The following ECT2L variants were observed in gnomAD, a reference collection of about 807,000 sequenced individuals.
ECT2L encodes the protein epithelial cell-transforming sequence 2 oncogene-like.
ECT2L carries 126 observed loss-of-function variants against 122.8 expected under a neutral mutation model. The ratio of observed to expected loss-of-function variants is 1.03; its 90% CI spans 0.89 to 1.19. ECT2L has a LOEUF of 1.19. Ranked by LOEUF, ECT2L falls within the 50% of genes most tolerant of loss-of-function variation. The pLI, the probability that ECT2L is intolerant of heterozygous loss-of-function variation, is 0.00. For synonymous variants in ECT2L, 385 were observed against 381.8 expected, an observed-to-expected ratio of 1.01 and a Z score of -0.10; for missense variants, 1,012 against 1,064.1, an observed-to-expected ratio of 0.95 and a Z score of 0.68.
intron 1 of ECT2L, among the ~76,000 whole-genome samples, chr6:138,797,654 A>C (rs1448611234): frequency 3.3e-5 from 5 of 151,958 alleles, no homozygotes; most frequent in Non-Finnish European, 7.4e-5. Context: ...GAAAAAAAAA[A>C]CAAAAAACTT....
chr6:138,828,591 A>G (rs1408239937), intron 4 of ECT2L, among the ~76,000 whole-genome samples: 3 of 152,104 alleles, frequency 2.0e-5, no homozygotes, highest in African/African-American at 7.2e-5. Flanking sequence ...CCGTGGGTCC[A>G]CTGTTTCATT....
chr6:138,902,530 C>T lies in ECT2L; in HGVS notation c.2618C>T (p.Pro873Leu). 1 of 1,613,352 alleles carries T rather than the reference C, an allele frequency of 6.2e-7. No individual in the cohort carries two copies. Among genetic ancestry groups the T allele is most frequent in the Non-Finnish European group, 8.5e-7 (1 of 1,179,598 alleles). ...AAGAATGCATTTATTCTTCAGGGTCCAAAATATAAATGGATTTGTGCTACA... is the reference window on the plus strand; with the variant it reads ...AAGAATGCATTTATTCTTCAGGGTCTAAAATATAAATGGATTTGTGCTACA... ...YVKNAFILQG[P>L]KYKWICATEI... is the part of the protein sequence containing the mutation. Residue 873 changes from proline to leucine, a missense_variant, in exon 22 of 22, where the codon CCA (proline) becomes CTA (leucine). Pro to Leu is a moderately conservative substitution (Grantham distance 98). Coordinates refer to ENST00000541398, the MANE Select transcript of ECT2L (RefSeq NM_001077706.3).
chr6:138,847,354 A>ATTT (rs1562471985), intron 8 of ECT2L, among the ~76,000 whole-genome samples: 20 of 111,014 alleles, frequency 1.8e-4, no homozygotes, highest in African/African-American at 7.6e-4. Flanking sequence ...AAAGGCCCAA[A>ATTT]CTTTTTTTTT....
At chr6:138,845,892 G>A (rs977418707) in intron 7 of ECT2L, among the ~76,000 whole-genome samples, 1 of 151,968 alleles carries the variant, frequency 6.6e-6, no homozygotes, top group Non-Finnish European at 1.5e-5. Context: ...GCAACACAGC[G>A]AGACCCCATC....
At chr6:138,887,180 T>C (rs965470730) in intron 19 of ECT2L, among the ~76,000 whole-genome samples, 8 of 151,988 alleles carry the variant, frequency 5.3e-5, no homozygotes, top group Non-Finnish European at 1.0e-4. Context: ...GTGATCACAA[T>C]GCCCTGTGAG....
At chr6:138,864,364 A>G (rs891140627) in intron 11 of ECT2L, among the ~76,000 whole-genome samples, 3 of 152,192 alleles carry the variant, frequency 2.0e-5, no homozygotes, top group Non-Finnish European at 2.9e-5. Flanking sequence ...CATGTCTATC[A>G]GTAACAGTAG....
At chr6:138,810,062 A>T (rs1354173931) in intron 1 of ECT2L, among the ~76,000 whole-genome samples, 2 of 152,234 alleles carry the variant, frequency 1.3e-5, no homozygotes, top group African/African-American at 4.8e-5. Flanking sequence ...AGAGGTAGAA[A>T]ATGAATGTTA....
chr6:138,859,825 C>CTTT (rs34225355), intron 10 of ECT2L, among the ~76,000 whole-genome samples: 1 of 136,842 alleles, frequency 7.3e-6, no homozygotes, highest in Admixed American at 7.3e-5. Flanking sequence ...TTTTTTTCTT[C>CTTT]TTTTTTTTGA....
intron 1 of ECT2L, among the ~76,000 whole-genome samples, chr6:138,809,603 T>C (rs1282606351): frequency 6.6e-6 from 1 of 152,238 alleles, no homozygotes; most frequent in Admixed American, 6.5e-5. Flanking sequence ...ATATATGATC[T>C]TTTTTATATA....
intron 8 of ECT2L, 61 bp from the exon 9 acceptor site, chr6:138,849,208 C>A: frequency 7.1e-7 from 1 of 1,399,162 alleles, no homozygotes. Context: ...CTATTTCTTT[C>A]ATTAATAAAT....
chr6:138,817,877 G>C (rs931925409), intron 4 of ECT2L, among the ~76,000 whole-genome samples: 1 of 152,022 alleles, frequency 6.6e-6, no homozygotes, highest in African/African-American at 2.4e-5. Flanking sequence ...TTATGGCCCC[G>C]TGTCGTCCAC....
intron 10 of ECT2L, among the ~76,000 whole-genome samples, chr6:138,860,707 A>ATTTTTTTTT (rs35611410): frequency 5.9e-5 from 8 of 135,790 alleles, no homozygotes; most frequent in Admixed American, 1.5e-4. Flanking sequence ...TGAAGGGGCT[A>ATTTTTTTTT]TTTTTTTTTT....
chr6:138,887,265 C>A (rs1350486432), intron 19 of ECT2L, among the ~76,000 whole-genome samples: 1 of 148,824 alleles, frequency 6.7e-6, no homozygotes, highest in African/African-American at 2.5e-5. Context: ...CTCACACTGT[C>A]GCCCAGGCTG....
chr6:138,837,363 C>T (rs1776877527), intron 4 of ECT2L, among the ~76,000 whole-genome samples: 1 of 152,100 alleles, frequency 6.6e-6, no homozygotes, highest in African/African-American at 2.4e-5. Context: ...CTGCACACGG[C>T]TATTGCCCCA....
chr6:138,842,832 G>C, intron 5 of ECT2L, 147 bp from the exon 6 acceptor site: 2 of 645,492 alleles, frequency 3.1e-6, no homozygotes, highest in Non-Finnish European at 4.6e-6. Flanking sequence ...AAACATTGTA[G>C]AAACAAATGG....
Position 138,878,502 on chromosome 6 carries a change from G to T in ECT2L, c.1665+1944G>T, listed in dbSNP as rs569539726. Among the ~76,000 whole-genome samples, 36 of 152,108 alleles carry T rather than the reference G, an allele frequency of 2.4e-4. No homozygotes were observed. The East Asian group carries it at 3.9e-3, about 16-fold the overall frequency. Reference sequence around the variant, plus strand: ...CGCTCTGTTGCCCAGGCTGGAGTGCGGTGGCATGACCTCGGCTCACTGCAA... The same window carrying T: ...CGCTCTGTTGCCCAGGCTGGAGTGCTGTGGCATGACCTCGGCTCACTGCAA... On this transcript the variant is annotated intron_variant, in intron 14 of 21. Transcript: ENST00000541398.
At position 138,865,386 on chromosome 6, in the gene ECT2L, G is replaced by A. The variant is rs576853736; in HGVS notation, c.1474+208G>A. Reference sequence around the variant, plus strand: ...ATTCAGGTTCAAAATGTTGAAGCTCGTTCTTATTTTAACATTTTACCACCT... The same window carrying A: ...ATTCAGGTTCAAAATGTTGAAGCTCATTCTTATTTTAACATTTTACCACCT... On this transcript the variant is annotated intron_variant, in intron 12 of 21. Transcript: ENST00000541398. Among the ~76,000 whole-genome samples, 29 of 152,168 alleles carry A rather than the reference G, an allele frequency of 1.9e-4. No homozygotes were observed. The South Asian group carries it at 5.2e-3, about 27-fold the overall frequency.
At chr6:138,806,511 C>CCTTTTTTT (rs1554267501) in intron 1 of ECT2L, among the ~76,000 whole-genome samples, 1 of 89,676 alleles carries the variant, frequency 1.1e-5, no homozygotes, top group Non-Finnish European at 2.0e-5. Flanking sequence ...AAAATTCACG[C>CCTTTTTTT]TTTTTTTTTT....
chr6:138,833,020 A>C (rs1289246062), intron 4 of ECT2L, among the ~76,000 whole-genome samples: 1 of 152,092 alleles, frequency 6.6e-6, no homozygotes. Flanking sequence ...ACCTGGCGGC[A>C]GGCGAGAGAG....
Sources: gnomAD v4.1 joint callset for allele counts (sites outside exome capture counted in the v4.1 genomes callset) on GRCh38, gnomAD v4.1.1 for gene constraint, MANE v1.5 for transcripts, NCBI Gene and HGNC (gene_info 2026-07-23, HGNC 2026-07-21) for gene names.